Variants in DMD observed in about 807,000 individuals in gnomAD.
DMD encodes dystrophin, also known as mutant dystrophin.
Under a neutral mutation model 330.1 loss-of-function variants are expected in DMD, and 63 were observed. The ratio of observed to expected loss-of-function variants is 0.19; its 90% CI spans 0.16 to 0.24. DMD has a LOEUF of 0.24. Among genes scored for constraint, DMD ranks in the 10% least tolerant of loss-of-function variants. The pLI, the probability that DMD is intolerant of heterozygous loss-of-function variation, is 1.00. For missense variants in DMD, 3,344 were observed against 2,684.1 expected, an observed-to-expected ratio of 1.25 and a Z score of -5.43; for synonymous variants, 1,223 against 959.8, an observed-to-expected ratio of 1.27 and a Z score of -5.07.
intron 17 of DMD, among the ~76,000 whole-genome samples, chrX:32,536,180 G>A (rs769285270): frequency 2.9e-5 from 3 of 102,286 alleles, no homozygotes; most frequent in East Asian, 3.1e-4. Context: ...CAGGACAATC[G>A]CTTGAACCCA....
At chrX:31,700,658 A>C (rs1291754487) in intron 52 of DMD, among the ~76,000 whole-genome samples, 1 of 111,924 alleles carries the variant, frequency 8.9e-6, no homozygotes, top group Non-Finnish European at 1.9e-5. Context: ...TCATAATGAA[A>C]CATGTAAGTT....
intron 1 of DMD, among the ~76,000 whole-genome samples, chrX:33,251,763 T>C (rs955820720): frequency 8.9e-6 from 1 of 112,119 alleles, no homozygotes; most frequent in Non-Finnish European, 1.9e-5. Context: ...AAACCTGTGG[T>C]TGGCAGTGCA....
intron 1 of DMD, among the ~76,000 whole-genome samples, chrX:33,059,531 C>A (rs1443530120): frequency 9.1e-6 from 1 of 110,488 alleles, no homozygotes; most frequent in African/African-American, 3.3e-5. Context: ...CTCATGGCCT[C>A]GATATAATTT....
intron 2 of DMD, among the ~76,000 whole-genome samples, chrX:32,939,135 C>T (rs7880390): frequency 0.021 from 2,305 of 108,277 alleles, 72 homozygotes; most frequent in African/African-American, 0.073. Flanking sequence ...CCTGTCACTT[C>T]GCTAATACTT....
rs187406516 is a variant in DMD at position 32,602,730 on chromosome X, C to T, written c.1483-6854G>A. Among the ~76,000 whole-genome samples the T allele has an allele frequency of 1.6e-4, 18 of 111,296 alleles. 1 individual carries two copies. Among genetic ancestry groups the T allele is most frequent in the African/African-American group, 5.5e-4 (17 of 30,666 alleles). Reference sequence around the variant, plus strand: ...TACTCTATGTTTGAAGACTCATATGCACACAGTCTCTGTACCTTCTATCTA... The same window carrying T: ...TACTCTATGTTTGAAGACTCATATGTACACAGTCTCTGTACCTTCTATCTA... On this transcript the variant is annotated intron_variant, in intron 12 of 78. Coordinates refer to ENST00000357033, the MANE Select transcript of DMD (RefSeq NM_004006.3).
intron 64 of DMD, among the ~76,000 whole-genome samples, chrX:31,212,368 G>A (rs1173028823): frequency 1.8e-5 from 2 of 109,628 alleles, no homozygotes; most frequent in Non-Finnish European, 3.8e-5. Flanking sequence ...GGGCTGTGGG[G>A]GTGAGAGAGG....
chrX:33,009,974 G>GAA lies in DMD; in HGVS notation c.93+10164_93+10165insTT, dbSNP rs1166168804. On this transcript the variant is annotated intron_variant, in intron 2 of 78. Transcript: ENST00000357033. ...TGTATGTGTATATACACATATGTGTGTATACACATGTGTGTATATACACGT... is the reference window on the plus strand; with the variant it reads ...TGTATGTGTATATACACATATGTGTGAATATACACATGTGTGTATATACACGT... Among the ~76,000 whole-genome samples the GAA allele has an allele frequency of 1.4e-4, 7 of 51,827 alleles. 1 individual carries two copies. The highest frequency in any genetic ancestry group is 2.0e-4 in the African/African-American group (2 of 9,901). 45.0% of individuals were successfully genotyped at this position (51,827 alleles called of 115,157 possible). A position where few individuals can be genotyped will look rare whatever the true frequency, so the allele number is the denominator to read the frequency against.
intron 26 of DMD, among the ~76,000 whole-genome samples, chrX:32,450,628 A>G (rs111976756): frequency 0.052 from 5,693 of 110,485 alleles, 157 homozygotes; most frequent in Non-Finnish European, 0.081. Flanking sequence ...ATTGGACATT[A>G]GAAAACTGAG....
chrX:32,815,510 T>C (rs1266996158), intron 6 of DMD, among the ~76,000 whole-genome samples: 2 of 58,638 alleles, frequency 3.4e-5, no homozygotes, highest in African/African-American at 1.6e-4. Flanking sequence ...TATATATATA[T>C]ATATATATAT....
intron 6 of DMD, among the ~76,000 whole-genome samples, chrX:32,811,714 G>C (rs191933819): frequency 2.9e-3 from 327 of 112,053 alleles, no homozygotes; most frequent in African/African-American, 0.01. Flanking sequence ...GAAAAATGAA[G>C]AAGCCATATG....
chrX:31,216,889 T>C (rs974149456), intron 64 of DMD, among the ~76,000 whole-genome samples: 1 of 112,025 alleles, frequency 8.9e-6, no homozygotes, highest in Non-Finnish European at 1.9e-5. Flanking sequence ...ATCTCTATAA[T>C]GTGTGCTTTA....
At chrX:31,909,093 A>T (rs905306264) in intron 47 of DMD, among the ~76,000 whole-genome samples, 2 of 112,527 alleles carry the variant, frequency 1.8e-5, no homozygotes, top group African/African-American at 6.5e-5. Flanking sequence ...TAAAAAATCA[A>T]GTCAAAGCAA....
intron 59 of DMD, among the ~76,000 whole-genome samples, chrX:31,474,396 T>G (rs2067566105): frequency 9.0e-6 from 1 of 110,875 alleles, no homozygotes; most frequent in South Asian, 3.8e-4. Context: ...GAAAATGAAC[T>G]GATATGGATA....
chrX:31,126,651 T>C lies in DMD; in HGVS notation c.11037A>G (p.Pro3679=). 8.3e-7 allele frequency: 1 copy of C among 1,202,968 alleles called. No homozygotes were observed. The highest frequency in any genetic ancestry group is 1.1e-6 in the Non-Finnish European group (1 of 888,124). ...SSRGRNTPGK[P]MREDTM Reference sequence around the variant, plus strand: ...CCTGAATCTCACTAACCTCTCTCATTGGCTTTCCAGGGGTATTTCTTCCTT... The same window carrying C: ...CCTGAATCTCACTAACCTCTCTCATCGGCTTTCCAGGGGTATTTCTTCCTT... The change falls in exon 78 of 79, where the codon CCA becomes CCG. Residue 3679 remains proline, a synonymous_variant. Transcript: ENST00000357033.
chrX:32,534,339 T>C (rs1265215874), intron 17 of DMD, among the ~76,000 whole-genome samples: 1 of 111,588 alleles, frequency 9.0e-6, no homozygotes, highest in Non-Finnish European at 1.9e-5. Flanking sequence ...GTTTGGATCA[T>C]GGGAGCGGAT....
intron 43 of DMD, among the ~76,000 whole-genome samples, chrX:32,266,569 T>G (rs2097345320): frequency 8.9e-6 from 1 of 112,233 alleles, no homozygotes; most frequent in South Asian, 3.7e-4. Context: ...TCTACAGATT[T>G]ACACATCATG....
At chrX:32,982,873 C>G (rs1280116380) in intron 2 of DMD, among the ~76,000 whole-genome samples, 1 of 112,274 alleles carries the variant, frequency 8.9e-6, no homozygotes, top group African/African-American at 3.2e-5. Flanking sequence ...GGGAAACACT[C>G]TCTGTTCCTG....
intron 38 of DMD, 46 bp from the exon 39 acceptor site, chrX:32,346,126 G>T: frequency 8.6e-7 from 1 of 1,167,861 alleles, no homozygotes; most frequent in Non-Finnish European, 1.2e-6. Context: ...TTTTTAAAAA[G>T]CTGTACATTG....
At position 31,557,117 on chromosome X, in the gene DMD, A is replaced by G. The variant is rs1280229952; in HGVS notation, c.8218-49664T>C. On this transcript the variant is annotated intron_variant, in intron 55 of 78. Coordinates refer to ENST00000357033, the MANE Select transcript of DMD (RefSeq NM_004006.3). ...AGCTAAAGAGGTTTGAAGAAAGGAG[A>G]AACATAGCTGCTGGGAGGATCGGGA... Among the ~76,000 whole-genome samples, 12 of 112,256 alleles carry G rather than the reference A, an allele frequency of 1.1e-4. No homozygotes were observed. The Admixed American group carries it at 1.1e-3, about 11-fold the overall frequency.
Sources: allele counts gnomAD v4.1 joint callset (sites outside exome capture counted in the v4.1 genomes callset), GRCh38; gene constraint gnomAD v4.1.1; transcripts MANE v1.5; gene names NCBI Gene and HGNC (gene_info 2026-07-23, HGNC 2026-07-21).